Variants in PDE10A observed in about 807,000 individuals in gnomAD.
PDE10A encodes phosphodiesterase 10A, also known as cAMP and cAMP-inhibited cGMP 3',5'-cyclic phosphodiesterase 10A.
Under a neutral mutation model 97.7 loss-of-function variants are expected in PDE10A, and 39 were observed. The ratio of observed to expected loss-of-function variants is 0.40; its 90% CI spans 0.31 to 0.52. The LOEUF (loss-of-function observed/expected upper bound fraction) is 0.52, where lower values mean the gene tolerates loss of function less well. Ranked by LOEUF, PDE10A falls within the 20% of genes least tolerant of loss-of-function variation. The probability of loss-of-function intolerance (pLI) is 0.56; values close to 1 mark genes in which losing one functional copy is unlikely to be tolerated. For missense variants in PDE10A, 731 were observed against 1,047.8 expected (o/e 0.70, Z 4.17); for synonymous variants, 371 against 376.8 (o/e 0.98, Z 0.18).
At chr6:165,722,219 T>C (rs1017373025) in intron 1 of PDE10A, among the ~76,000 whole-genome samples, 1 of 152,202 alleles carries the variant, frequency 6.6e-6, no homozygotes, top group South Asian at 2.1e-4. Flanking sequence ...CCAAATACGG[T>C]GCAGTTTCTT....
intron 18 of PDE10A, among the ~76,000 whole-genome samples, chr6:165,346,988 T>A (rs1314406254): frequency 2.0e-5 from 3 of 152,174 alleles, no homozygotes; most frequent in Admixed American, 2.0e-4. Flanking sequence ...GTTTAGAAGC[T>A]GTCATCTAGC....
rs146484713 is a variant in PDE10A at position 165,557,623 on chromosome 6, T to C, written c.866-14055A>G. On this transcript the variant is annotated intron_variant, in intron 1 of 21. Transcript: ENST00000539869. ...ATAGGTTTTCTACATAAATAAGCTG[T>C]CATATTTTTTCCTTCTTTGCTAGCA... Among the ~76,000 whole-genome samples the C allele has an allele frequency of 4.7e-3, 702 of 148,898 alleles. 6 individuals carry two copies. The highest frequency in any genetic ancestry group is 8.0e-3 in the Non-Finnish European group (542 of 67,962).
Position 165,910,620 on chromosome 6 carries a change from T to A in PDE10A, c.-615+76909A>T, listed in dbSNP as rs1562794260. ...AAAGGGATAAAGCTTTAGCTCCTAG[T>A]AAAATGAATTTACTTCCTCAATTTC... On this transcript the variant is annotated intron_variant, in intron 1 of 19. Transcript: ENST00000366882. Among the ~76,000 whole-genome samples, 2 of 152,220 alleles carry A rather than the reference T, an allele frequency of 1.3e-5. 1 individual carries two copies. Among genetic ancestry groups the A allele is most frequent in the Admixed American group, 1.3e-4 (2 of 15,286 alleles).
At chr6:165,687,022 T>C (rs1791138978) in intron 1 of PDE10A, among the ~76,000 whole-genome samples, 1 of 152,284 alleles carries the variant, frequency 6.6e-6, no homozygotes, top group African/African-American at 2.4e-5. Flanking sequence ...TCTGTTCAGA[T>C]CGCTCTGCAG....
At chr6:165,378,007 G>A (rs942705173) in intron 18 of PDE10A, among the ~76,000 whole-genome samples, 1 of 152,170 alleles carries the variant, frequency 6.6e-6, no homozygotes, top group Non-Finnish European at 1.5e-5. Flanking sequence ...TCCCTAAATT[G>A]TATCAGTTTC....
intron 1 of PDE10A, among the ~76,000 whole-genome samples, chr6:165,602,606 C>T (rs1232630431): frequency 1.3e-5 from 2 of 152,104 alleles, no homozygotes; most frequent in African/African-American, 2.4e-5. Flanking sequence ...GGAATGACCT[C>T]GGTGATGAGT....
intron 1 of PDE10A, among the ~76,000 whole-genome samples, chr6:165,721,698 C>G (rs1792171172): frequency 6.6e-6 from 1 of 152,214 alleles, no homozygotes; most frequent in Non-Finnish European, 1.5e-5. Flanking sequence ...ATCTTTATGC[C>G]TCTGCACCCA....
At chr6:165,920,636 T>C (rs1782729388) in intron 1 of PDE10A, among the ~76,000 whole-genome samples, 1 of 152,150 alleles carries the variant, frequency 6.6e-6, no homozygotes, top group African/African-American at 2.4e-5. Context: ...CATACTTAAC[T>C]CTTCTATTTT....
chr6:165,836,305 C>G (rs1780061764), intron 1 of PDE10A, among the ~76,000 whole-genome samples: 1 of 152,192 alleles, frequency 6.6e-6, no homozygotes, highest in South Asian at 2.1e-4. Flanking sequence ...GTACTTCTAC[C>G]TTTCTTCCGA....
chr6:165,441,960 A>G (rs1790499466), intron 5 of PDE10A, among the ~76,000 whole-genome samples: 1 of 152,146 alleles, frequency 6.6e-6, no homozygotes, highest in African/African-American at 2.4e-5. Flanking sequence ...AGGTTTTCAC[A>G]TTTGTTAGTA....
rs1413288201 is a variant in PDE10A, at chr6:165,473,962, T to C, written c.1023+8353A>G. Among the ~76,000 whole-genome samples, 14 of 152,374 alleles carry C rather than the reference T, an allele frequency of 9.2e-5. No homozygotes were observed. The East Asian group carries it at 2.5e-3, about 27-fold the overall frequency. On this transcript the variant is annotated intron_variant, in intron 3 of 21. Coordinates refer to ENST00000539869, the MANE Select transcript of PDE10A (RefSeq NM_001385079.1). Reference sequence around the variant, plus strand: ...TCAATTAAGGTAATGAACAGATTCATACAGAAACTCTGAAAATTCTAAATT... The same window carrying C: ...TCAATTAAGGTAATGAACAGATTCACACAGAAACTCTGAAAATTCTAAATT...
rs778394916 is a variant in PDE10A at position 165,510,771 on chromosome 6, G to A, written c.995-28428C>T. Among the ~76,000 whole-genome samples the A allele has an allele frequency of 3.3e-5, 5 of 151,924 alleles. 1 individual carries two copies. The South Asian group carries it at 8.3e-4, about 25-fold the overall frequency. On this transcript the variant is annotated intron_variant, in intron 2 of 21. Transcript: ENST00000539869. ...AATCTTGGTAGAATGCATGCAGCCCGGAATTTATCCATTTCCTCTAGGTTT... is the reference window on the plus strand; with the variant it reads ...AATCTTGGTAGAATGCATGCAGCCCAGAATTTATCCATTTCCTCTAGGTTT...
chr6:165,485,467 C>CAAAAAAA (rs534131585), intron 2 of PDE10A, among the ~76,000 whole-genome samples: 1 of 50,258 alleles, frequency 2.0e-5, no homozygotes, highest in Non-Finnish European at 4.3e-5. Flanking sequence ...GACTCTGTCT[C>CAAAAAAA]AAAAAAAAAA....
At chr6:165,887,264 T>G (rs573552598) in intron 1 of PDE10A, among the ~76,000 whole-genome samples, 1 of 152,286 alleles carries the variant, frequency 6.6e-6, no homozygotes, top group East Asian at 1.9e-4. Flanking sequence ...CTGCCTTGAA[T>G]CTATCTGGAC....
intron 1 of PDE10A, among the ~76,000 whole-genome samples, chr6:165,835,080 A>T (rs1432517556): frequency 1.3e-5 from 2 of 152,096 alleles, no homozygotes; most frequent in Non-Finnish European, 2.9e-5. Context: ...CAGTGCACAG[A>T]GGGCAGTTGG....
chr6:165,653,326 G>A (rs189744938), intron 1 of PDE10A, among the ~76,000 whole-genome samples: 27 of 152,274 alleles, frequency 1.8e-4, no homozygotes, highest in South Asian at 1.5e-3. Flanking sequence ...AGACAAACAC[G>A]AAAGCAGACA....
At chr6:165,717,272 G>C (rs1195620758) in intron 1 of PDE10A, among the ~76,000 whole-genome samples, 3 of 152,138 alleles carry the variant, frequency 2.0e-5, no homozygotes, top group African/African-American at 7.2e-5. Context: ...TTCTACCTCT[G>C]GGCTTTTGTC....
chr6:165,916,964 C>A (rs929852514), intron 1 of PDE10A, among the ~76,000 whole-genome samples: 6 of 152,130 alleles, frequency 3.9e-5, no homozygotes, highest in African/African-American at 1.4e-4. Flanking sequence ...GCAGAATACC[C>A]AATGAAAATG....
At chr6:165,554,695 G>C (rs1298715133) in intron 1 of PDE10A, among the ~76,000 whole-genome samples, 1 of 152,104 alleles carries the variant, frequency 6.6e-6, no homozygotes, top group Non-Finnish European at 1.5e-5. Flanking sequence ...TCAGTATATC[G>C]ATGAGATACC....
Sources: allele counts gnomAD v4.1 joint callset (sites outside exome capture counted in the v4.1 genomes callset), GRCh38; gene constraint gnomAD v4.1.1; transcripts MANE v1.5; gene names NCBI Gene and HGNC (gene_info 2026-07-23, HGNC 2026-07-21).